Variants in PARD3B observed in about 807,000 individuals in gnomAD.
PARD3B encodes par-3 family cell polarity regulator beta.
A neutral mutation model predicts 130.2 loss-of-function variants in PARD3B; 103 were observed. That is an observed-to-expected ratio of 0.79 (90% CI 0.67 to 0.93). PARD3B has a LOEUF of 0.93. PARD3B is among the 40% of genes least tolerant of loss of function. The probability of loss-of-function intolerance (pLI) is 0.00; values close to 1 mark genes in which losing one functional copy is unlikely to be tolerated. For synonymous variants in PARD3B, 583 were observed against 553.2 expected (o/e 1.05, Z -0.76); for missense variants, 1,609 against 1,499.2 (o/e 1.07, Z -1.21).
Position 205,490,123 on chromosome 2 carries a change from A to G in PARD3B, c.3045-9773A>G, listed in dbSNP as rs1388161739. Among the ~76,000 whole-genome samples, 79 of 151,874 alleles carry G rather than the reference A, an allele frequency of 5.2e-4. 1 individual carries two copies. On this transcript the variant is annotated intron_variant, in intron 20 of 22. Transcript: ENST00000406610. ...AAGTGGGCCTTTATTTCTTTTTTATATATATATACTTTAAGTTTTAGGGTA... is the reference window on the plus strand; with the variant it reads ...AAGTGGGCCTTTATTTCTTTTTTATGTATATATACTTTAAGTTTTAGGGTA...
intron 2 of PARD3B, among the ~76,000 whole-genome samples, chr2:204,810,229 G>A (rs12328587): frequency 0.038 from 5,729 of 152,028 alleles, 159 homozygotes; most frequent in African/African-American, 0.068. Flanking sequence ...ATTTAGGTAT[G>A]CGTTATTTCT....
intron 1 of PARD3B, among the ~76,000 whole-genome samples, chr2:204,649,782 T>C (rs2035413626): frequency 6.6e-6 from 1 of 152,184 alleles, no homozygotes; most frequent in Non-Finnish European, 1.5e-5. Context: ...GATTAAAGAC[T>C]TAAATGTAAA....
At chr2:204,840,460 A>G (rs2044218396) in intron 2 of PARD3B, among the ~76,000 whole-genome samples, 1 of 152,178 alleles carries the variant, frequency 6.6e-6, no homozygotes, top group African/African-American at 2.4e-5. Flanking sequence ...TTACCCTCCC[A>G]AATTACCCAC....
At chr2:204,556,561 A>T (rs893319497) in intron 1 of PARD3B, among the ~76,000 whole-genome samples, 1 of 152,188 alleles carries the variant, frequency 6.6e-6, no homozygotes, top group Non-Finnish European at 1.5e-5. Context: ...GAGATAAGAC[A>T]TTCTAGGTGG....
At chr2:204,767,011 T>TATTTTTTC (rs1433800181) in intron 2 of PARD3B, among the ~76,000 whole-genome samples, 7 of 144,670 alleles carry the variant, frequency 4.8e-5, no homozygotes, top group Non-Finnish European at 9.1e-5. Flanking sequence ...TTTATTTTTT[T>TATTTTTTC]ATTATACTCT....
intron 2 of PARD3B, among the ~76,000 whole-genome samples, chr2:204,688,390 T>C (rs745785897): frequency 6.6e-6 from 1 of 151,808 alleles, no homozygotes; most frequent in Non-Finnish European, 1.5e-5. Flanking sequence ...TCATCCTGGC[T>C]AACACAGTGA....
At chr2:205,478,198 A>T (rs551767128) in intron 20 of PARD3B, among the ~76,000 whole-genome samples, 2 of 152,212 alleles carry the variant, frequency 1.3e-5, no homozygotes, top group African/African-American at 4.8e-5. Flanking sequence ...AAAGCCTTGA[A>T]GTAAACTGAG....
chr2:205,354,291 C>T (rs1015246495), intron 18 of PARD3B, among the ~76,000 whole-genome samples: 2 of 151,722 alleles, frequency 1.3e-5, no homozygotes, highest in South Asian at 2.1e-4. Context: ...GTTCAGTTAC[C>T]GGTCAGGGAA....
chr2:205,565,920 A>G (rs1310022526), intron 22 of PARD3B, among the ~76,000 whole-genome samples: 2 of 152,122 alleles, frequency 1.3e-5, no homozygotes, highest in African/African-American at 2.4e-5. Flanking sequence ...CAAAAAAAAA[A>G]AAAAAAAGGA....
chr2:204,838,375 G>A (rs2044135171), intron 2 of PARD3B, among the ~76,000 whole-genome samples: 1 of 150,668 alleles, frequency 6.6e-6, no homozygotes, highest in Admixed American at 6.6e-5. Flanking sequence ...GTGTGTGTGT[G>A]TGTGTGTGTG....
intron 10 of PARD3B, among the ~76,000 whole-genome samples, chr2:205,152,487 G>A (rs552760582): frequency 5.3e-5 from 8 of 151,442 alleles, no homozygotes; most frequent in South Asian, 2.1e-4. Flanking sequence ...TAAACTTCTC[G>A]CTTCATTTCA....
intron 3 of PARD3B, among the ~76,000 whole-genome samples, chr2:205,031,465 A>C (rs1020686404): frequency 1.3e-5 from 2 of 152,150 alleles, no homozygotes; most frequent in South Asian, 2.1e-4. Flanking sequence ...TCTCAAATTA[A>C]AGAAGGCTTG....
chr2:204,634,932 C>A (rs75580187), intron 1 of PARD3B, among the ~76,000 whole-genome samples: 1 of 152,064 alleles, frequency 6.6e-6, no homozygotes, highest in Non-Finnish European at 1.5e-5. Flanking sequence ...TCCTATCCTG[C>A]GAGATAGGTT....
intron 2 of PARD3B, among the ~76,000 whole-genome samples, chr2:204,783,873 T>A (rs1279830879): frequency 6.6e-6 from 1 of 152,156 alleles, no homozygotes; most frequent in Non-Finnish European, 1.5e-5. Context: ...TAGGGTATCA[T>A]CTTCGATGAG....
chr2:205,045,677 GC>G (rs1698725671), intron 3 of PARD3B, among the ~76,000 whole-genome samples: 1 of 151,620 alleles, frequency 6.6e-6, no homozygotes, highest in Admixed American at 6.6e-5. Context: ...ACCTACTGTG[GC>G]TTTTTTAAAG....
intron 18 of PARD3B, among the ~76,000 whole-genome samples, chr2:205,380,303 TTATATAA>T (rs1342322223): frequency 6.9e-5 from 1 of 14,580 alleles, no homozygotes; most frequent in Non-Finnish European, 1.2e-4. Context: ...ATATTATATA[TTATATAA>T]AGAATATATA....
chr2:204,770,815 C>T (rs1380240172), intron 2 of PARD3B, among the ~76,000 whole-genome samples: 1 of 152,046 alleles, frequency 6.6e-6, no homozygotes, highest in African/African-American at 2.4e-5. Context: ...ACCTGACAGG[C>T]ACTTATTTCC....
chr2:204,551,591 C>A (rs2030466053), intron 1 of PARD3B, among the ~76,000 whole-genome samples: 1 of 152,136 alleles, frequency 6.6e-6, no homozygotes, highest in Non-Finnish European at 1.5e-5. Flanking sequence ...TCCCCACACA[C>A]CCTCTGTGTA....
rs1478289860 is a variant in PARD3B, at chr2:205,421,383, G to A, written c.2742-18987G>A. ...ATAATTGTTATGTTTAACATTTAGAGCCATTTATGTGGGTTTCCTCTCCTG... is the reference window on the plus strand; with the variant it reads ...ATAATTGTTATGTTTAACATTTAGAACCATTTATGTGGGTTTCCTCTCCTG... On this transcript the variant is annotated intron_variant, in intron 19 of 22. Transcript: ENST00000406610. This position sits in a 1 kb window ranked among gnomAD's most constrained non-coding sequence, Gnocchi z 5.1. Among the ~76,000 whole-genome samples, 1 of 152,140 alleles carries A rather than the reference G, an allele frequency of 6.6e-6. No homozygotes were observed. Among genetic ancestry groups the A allele is most frequent in the African/African-American group, 2.4e-5 (1 of 41,442 alleles).
Sources: gnomAD v4.1 joint callset for allele counts (sites outside exome capture counted in the v4.1 genomes callset) on GRCh38, gnomAD v4.1.1 for gene constraint, Gnocchi (gnomAD v3.1) non-coding constraint, MANE v1.5 for transcripts, NCBI Gene and HGNC (gene_info 2026-07-23, HGNC 2026-07-21) for gene names.